Variants in ADGRV1 observed in about 807,000 individuals in gnomAD.
ADGRV1 encodes the protein G-protein coupled receptor 98.
ADGRV1 carries 359 observed loss-of-function variants against 596.2 expected under a neutral mutation model. The observed-to-expected ratio is 0.60, with a 90% CI of 0.55 to 0.66. ADGRV1 has a LOEUF of 0.66. Among genes scored for constraint, ADGRV1 ranks in the 30% least tolerant of loss-of-function variants. The probability of loss-of-function intolerance (pLI) is 0.00; values close to 1 mark genes in which losing one functional copy is unlikely to be tolerated. For missense variants in ADGRV1, 7,274 were observed against 7,575.6 expected (o/e 0.96, Z 1.48); for synonymous variants, 2,681 against 2,679.2 (o/e 1.00, Z -0.02).
intron 77 of ADGRV1, among the ~76,000 whole-genome samples, chr5:90,838,342 T>C (rs1310069456): frequency 3.9e-5 from 6 of 152,124 alleles, no homozygotes; most frequent in African/African-American, 1.2e-4. Context: ...CTGCTCTTAA[T>C]CCTTACCTCA....
At chr5:90,987,950 G>C (rs1477653983) in intron 85 of ADGRV1, among the ~76,000 whole-genome samples, 1 of 152,086 alleles carries the variant, frequency 6.6e-6, no homozygotes, top group African/African-American at 2.4e-5. Context: ...TCTAATTTTT[G>C]TCTCCTTAGC....
chr5:90,972,879 C>CA (rs1380813801), intron 84 of ADGRV1, among the ~76,000 whole-genome samples: 1 of 149,834 alleles, frequency 6.7e-6, no homozygotes, highest in African/African-American at 2.4e-5. Context: ...GATAGAGACA[C>CA]AAAAAACCCT....
chr5:90,774,491 A>G lies in ADGRV1; in HGVS notation c.12403+188A>G, dbSNP rs115047341. On this transcript the variant is annotated intron_variant, in intron 60 of 89. Transcript: ENST00000405460. ...TAAAATTATAATACCCAATCTTGGT[A>G]AGGTCATAGGTCAAAGATTTCATAC... Among the ~76,000 whole-genome samples the G allele has an allele frequency of 0.012, 1,782 of 152,298 alleles. 36 individuals carry two copies. The highest frequency in any genetic ancestry group is 0.041 in the African/African-American group (1,695 of 41,558).
chr5:90,661,116 A>C (rs922653189), intron 21 of ADGRV1, among the ~76,000 whole-genome samples: 2 of 152,122 alleles, frequency 1.3e-5, no homozygotes, highest in Non-Finnish European at 2.9e-5. Context: ...CCACATTCTC[A>C]TGTTTCTTCC....
intron 89 of ADGRV1, among the ~76,000 whole-genome samples, chr5:91,158,666 C>G (rs1796671578): frequency 6.6e-6 from 1 of 152,188 alleles, no homozygotes; most frequent in Non-Finnish European, 1.5e-5. Flanking sequence ...CATGGTCCAT[C>G]CAATGCAAAT....
chr5:90,705,336 C>A, intron 36 of ADGRV1, 64 bp from the exon 37 acceptor site: 1 of 1,330,632 alleles, frequency 7.5e-7, no homozygotes, highest in Non-Finnish European at 1.1e-6. Context: ...GAGAGTGAGG[C>A]TATGTTTCCA....
rs532262416 is a variant in ADGRV1 at position 90,867,059 on chromosome 5, C to T, written c.17856+3202C>T. ...ATCTTTGGGATTTTTATCTTTGAAT[C>T]ACATTGCCAACCCATGTGTGCCCTG... On this transcript the variant is annotated intron_variant, in intron 83 of 89. Coordinates refer to ENST00000405460, the MANE Select transcript of ADGRV1 (RefSeq NM_032119.4). Among the ~76,000 whole-genome samples, 104 of 152,134 alleles carry T rather than the reference C, an allele frequency of 6.8e-4. 1 individual carries two copies. The highest frequency in any genetic ancestry group is 2.5e-3 in the African/African-American group (102 of 41,532).
chr5:90,759,534 T>C lies in ADGRV1; in HGVS notation c.12066T>C (p.Val4022=), dbSNP rs1022969353. The change falls in exon 58 of 90, where the codon GTT becomes GTC. Residue 4022 remains valine, a synonymous_variant. Transcript: ENST00000405460. ...GRLGDDVVVT[V]VIPQNDSPFG... ...TTGGTGATGATGTTGTGGTAACTGT[T>C]GTTATTCCACAAAATGATTCTCCAT... 13 of 1,613,358 alleles carry C rather than the reference T, an allele frequency of 8.1e-6. No homozygotes were observed. Among genetic ancestry groups the C allele is most frequent in the Non-Finnish European group, 1.1e-5 (13 of 1,179,400 alleles).
intron 82 of ADGRV1, among the ~76,000 whole-genome samples, chr5:90,856,623 T>A (rs891009417): frequency 4.6e-5 from 7 of 152,160 alleles, no homozygotes; most frequent in African/African-American, 1.7e-4. Context: ...ACTTTTTCTA[T>A]GAACAAGGTG....
intron 83 of ADGRV1, among the ~76,000 whole-genome samples, chr5:90,958,296 AAAAAAAAG>A (rs1288049486): frequency 2.7e-5 from 4 of 150,198 alleles, no homozygotes; most frequent in African/African-American, 7.3e-5. Context: ...AAAAAAAAAA[AAAAAAAAG>A]AAAAGAAAAG....
chr5:90,701,729 T>G lies in ADGRV1; in HGVS notation c.8156-1936T>G, dbSNP rs376656530. Among the ~76,000 whole-genome samples the G allele has an allele frequency of 2.6e-5, 4 of 152,084 alleles. 1 individual carries two copies. Among genetic ancestry groups the G allele is most frequent in the African/African-American group, 2.4e-5 (1 of 41,534 alleles). On this transcript the variant is annotated intron_variant, in intron 34 of 89. Coordinates refer to ENST00000405460, the MANE Select transcript of ADGRV1 (RefSeq NM_032119.4). ...AACTAGTATTAGACTTTTAGTGTTT[T>G]TACATGTAGTAAGTTTGTCTGAATA...
chr5:90,740,472 G>A (rs1753819063), intron 50 of ADGRV1, among the ~76,000 whole-genome samples: 1 of 152,206 alleles, frequency 6.6e-6, no homozygotes, highest in African/African-American at 2.4e-5. Flanking sequence ...CTCCTGGCCT[G>A]GGGAAGTTTT....
chr5:90,666,127 G>C lies in ADGRV1; in HGVS notation c.4753-6419G>C, dbSNP rs1262389141. Among the ~76,000 whole-genome samples, 219 of 150,856 alleles carry C rather than the reference G, an allele frequency of 1.5e-3. 1 individual carries two copies. Among genetic ancestry groups the C allele is most frequent in the African/African-American group, 4.7e-3 (193 of 41,020 alleles). On this transcript the variant is annotated intron_variant, in intron 21 of 89. Coordinates refer to ENST00000405460, the MANE Select transcript of ADGRV1 (RefSeq NM_032119.4). ...TGGAGAGTTCTGTAGATGTCTATTAGGTCCGCTTGGTGCAGAGCTGAGTTC... is the reference window on the plus strand; with the variant it reads ...TGGAGAGTTCTGTAGATGTCTATTACGTCCGCTTGGTGCAGAGCTGAGTTC...
chr5:90,972,290 C>A (rs1038316003), intron 84 of ADGRV1, among the ~76,000 whole-genome samples: 1 of 152,112 alleles, frequency 6.6e-6, no homozygotes, highest in African/African-American at 2.4e-5. Context: ...TTAGACAGAT[C>A]AATGAGACAG....
chr5:90,626,736 GT>G (rs1764813948), intron 6 of ADGRV1, among the ~76,000 whole-genome samples: 1 of 152,238 alleles, frequency 6.6e-6, no homozygotes, highest in Non-Finnish European at 1.5e-5. Context: ...GGTGTCACGT[GT>G]TTAACTCCTG....
At chr5:90,949,769 AT>A (rs1336952762) in intron 83 of ADGRV1, among the ~76,000 whole-genome samples, 1 of 152,212 alleles carries the variant, frequency 6.6e-6, no homozygotes, top group Non-Finnish European at 1.5e-5. Flanking sequence ...AGCAAAAAAA[AT>A]AAAATTATAG....
chr5:91,070,122 G>T (rs1402114558), intron 85 of ADGRV1, among the ~76,000 whole-genome samples: 3 of 152,148 alleles, frequency 2.0e-5, no homozygotes, highest in South Asian at 2.1e-4. Context: ...AGGGATGGAG[G>T]GGGGCAAGGA....
chr5:90,617,645 A>G lies in ADGRV1; in HGVS notation c.208-159A>G, dbSNP rs184360177. On this transcript the variant is annotated intron_variant, in intron 2 of 89. Transcript: ENST00000405460. ...TTTATTTCTGAAGATAAGTTTTTTC[A>G]GTTGTTAAATATTTATGATTTTTGT... 8.9e-4 allele frequency: 527 copies of G among 589,666 alleles called. 3 individuals carry two copies. The highest frequency in any genetic ancestry group is 7.9e-3 in the African/African-American group (417 of 52,896). The allele number at this position is 589,666 out of a possible 1,614,324, so 36.5% of individuals were successfully genotyped here.
At chr5:90,919,994 CAAAAAAAAAA>C (rs59122926) in intron 83 of ADGRV1, among the ~76,000 whole-genome samples, 1 of 80,082 alleles carries the variant, frequency 1.2e-5, no homozygotes, top group Non-Finnish European at 2.5e-5. Context: ...AACTCCATCT[CAAAAAAAAAA>C]AAAAAAAAAA....
Sources: gnomAD v4.1 joint callset for allele counts (sites outside exome capture counted in the v4.1 genomes callset) on GRCh38, gnomAD v4.1.1 for gene constraint, MANE v1.5 for transcripts, NCBI Gene and HGNC (gene_info 2026-07-23, HGNC 2026-07-21) for gene names.